LPP: variants seen among roughly 807,000 people sequenced by gnomAD.
LPP encodes the protein lipoma-preferred partner.
LPP carries 38 observed loss-of-function variants against 60.4 expected under a neutral mutation model. That is an observed-to-expected ratio of 0.63 (90% confidence interval 0.49 to 0.83). The LOEUF (loss-of-function observed/expected upper bound fraction) is 0.83, where lower values mean the gene tolerates loss of function less well. Among genes scored for constraint, LPP ranks in the 40% least tolerant of loss-of-function variants. LPP has a pLI of 0.00. For missense variants in LPP, 902 were observed against 783.6 expected (o/e 1.15, Z -1.80); for synonymous variants, 328 against 290.8 (o/e 1.13, Z -1.30).
intron 9 of LPP, among the ~76,000 whole-genome samples, chr3:188,859,089 TA>T (rs35722501): frequency 0.17 from 17,413 of 103,698 alleles, 1,444 homozygotes; most frequent in African/African-American, 0.28. Context: ...ACTCTGTCTT[TA>T]AAAAAAAAAA....
chr3:188,242,692 A>C (rs557970746), intron 2 of LPP, among the ~76,000 whole-genome samples: 1 of 152,216 alleles, frequency 6.6e-6, no homozygotes, highest in African/African-American at 2.4e-5. Flanking sequence ...CCAGGTGATC[A>C]TCAAGGTCCC....
At chr3:188,317,275 G>T (rs1452649317) in intron 2 of LPP, among the ~76,000 whole-genome samples, 2 of 150,572 alleles carry the variant, frequency 1.3e-5, no homozygotes, top group Non-Finnish European at 2.9e-5. Flanking sequence ...CAAAAATGCT[G>T]GTCTAATTCA....
intron 2 of LPP, among the ~76,000 whole-genome samples, chr3:188,252,031 G>GATATAT (rs10579787): frequency 2.9e-4 from 12 of 41,414 alleles, no homozygotes; most frequent in South Asian, 1.1e-3. Flanking sequence ...TTTTAATCCT[G>GATATAT]ATATATATAT....
chr3:188,401,820 G>A (rs966928303), intron 3 of LPP, among the ~76,000 whole-genome samples: 1 of 152,170 alleles, frequency 6.6e-6, no homozygotes, highest in Non-Finnish European at 1.5e-5. Flanking sequence ...GTATGTAGAT[G>A]CTGTGGGATT....
rs2152091152 is a variant in LPP, at chr3:188,883,862, G to C, written c.*9383G>C. ...ATTATTTCTAGTTAGTTCATCTGTG[G>C]AAAAGGATATCGTTCTTGAGGAGAG... On this transcript the variant is annotated 3_prime_UTR_variant, in exon 12 of 12. Coordinates refer to ENST00000617246, the MANE Select transcript of LPP (RefSeq NM_001375462.1). 4.6e-6 allele frequency: 1 copy of C among 219,012 alleles called. No individual in the cohort carries two copies. Among genetic ancestry groups the C allele is most frequent in the South Asian group, 1.9e-4 (1 of 5,396 alleles). 13.6% of individuals were successfully genotyped at this position (219,012 alleles called of 1,614,324 possible).
chr3:188,362,556 A>G (rs1293557522), intron 3 of LPP, among the ~76,000 whole-genome samples: 8 of 151,718 alleles, frequency 5.3e-5, no homozygotes, highest in Non-Finnish European at 1.5e-5. Flanking sequence ...TTTTGTTTTT[A>G]TTTGCAGTGT....
At chr3:188,231,290 C>CA (rs1158592381) in intron 2 of LPP, among the ~76,000 whole-genome samples, 1 of 152,170 alleles carries the variant, frequency 6.6e-6, no homozygotes, top group Non-Finnish European at 1.5e-5. Flanking sequence ...ACAGATTCCC[C>CA]AGGTTTACAT....
At position 188,609,470 on chromosome 3, in the gene LPP, G is replaced by A. The variant is rs1843200661; in HGVS notation, c.739G>A (p.Gly247Arg). The A allele has an allele frequency of 3.1e-6, 5 of 1,614,044 alleles. No individual in the cohort carries two copies. The highest frequency in any genetic ancestry group is 1.7e-5 in the Admixed American group (1 of 60,008). ...TTCATCAGGACAAATTTATGGCTCA[G>A]GGCCCCAGGGCTATAACACTCAGCC... is the stretch of plus-strand genomic sequence containing the variant. ...APSSGQIYGSGPQGYNTQPVP... is the reference protein window; with the variant it reads ...APSSGQIYGSRPQGYNTQPVP... The change falls in exon 7 of 12, where the codon GGG (glycine) becomes AGG (arginine). Residue 247 changes from glycine to arginine, a missense_variant. Gly to Arg is a moderately radical substitution (Grantham distance 125). Coordinates refer to ENST00000617246, the MANE Select transcript of LPP (RefSeq NM_001375462.1). This position sits in a 1 kb window ranked among gnomAD's most constrained non-coding sequence, Gnocchi z 6.9.
chr3:188,488,839 A>G lies in LPP; in HGVS notation c.306+4135A>G, dbSNP rs142112111. Reference sequence around the variant, plus strand: ...TTTTCGGTAGAGATGGGGTTTCACTATATTGGCCAGGTTGGTCTCAAACTC... The same window carrying G: ...TTTTCGGTAGAGATGGGGTTTCACTGTATTGGCCAGGTTGGTCTCAAACTC... On this transcript the variant is annotated intron_variant, in intron 5 of 11. Coordinates refer to ENST00000617246, the MANE Select transcript of LPP (RefSeq NM_001375462.1). Among the ~76,000 whole-genome samples the G allele has an allele frequency of 5.3e-3, 808 of 151,980 alleles. 5 individuals are homozygous for G. Among genetic ancestry groups the G allele is most frequent in the South Asian group, 0.026 (124 of 4,806 alleles).
intron 2 of LPP, among the ~76,000 whole-genome samples, chr3:188,316,380 C>T (rs1230368441): frequency 6.6e-6 from 1 of 152,092 alleles, no homozygotes; most frequent in Non-Finnish European, 1.5e-5. Context: ...TTTGAGGTTA[C>T]AGTGTGCTAT....
At chr3:188,544,661 G>A (rs1230423850) in intron 6 of LPP, among the ~76,000 whole-genome samples, 1 of 107,052 alleles carries the variant, frequency 9.3e-6, no homozygotes, top group Non-Finnish European at 1.9e-5. Context: ...TGGTGGGACT[G>A]TAAACTAGTT....
At chr3:188,243,580 A>G (rs1297750922) in intron 2 of LPP, among the ~76,000 whole-genome samples, 2 of 152,202 alleles carry the variant, frequency 1.3e-5, no homozygotes, top group Admixed American at 6.5e-5. Flanking sequence ...TCTACAATAC[A>G]CAGGCTAATT....
At chr3:188,621,490 G>C (rs994570462) in intron 7 of LPP, among the ~76,000 whole-genome samples, 8 of 152,076 alleles carry the variant, frequency 5.3e-5, no homozygotes, top group Admixed American at 1.3e-4. Context: ...TTGCTGCAAA[G>C]GACATGATTT....
At chr3:188,733,187 A>G (rs1721269603) in intron 8 of LPP, among the ~76,000 whole-genome samples, 2 of 152,114 alleles carry the variant, frequency 1.3e-5, no homozygotes, top group African/African-American at 4.8e-5. Context: ...GGATGGGTAC[A>G]GTCTAAAGGG....
chr3:188,155,155 G>A (rs1488627236), intron 1 of LPP, among the ~76,000 whole-genome samples: 1 of 152,144 alleles, frequency 6.6e-6, no homozygotes, highest in Non-Finnish European at 1.5e-5. Flanking sequence ...ATTGTGCCTG[G>A]GTGCTTGGAC....
intron 6 of LPP, among the ~76,000 whole-genome samples, chr3:188,557,359 G>A (rs75567050): frequency 0.012 from 1,752 of 152,080 alleles, 35 homozygotes; most frequent in African/African-American, 0.04. Context: ...ATCAAGCACC[G>A]GGCTAGGAGG....
chr3:188,386,022 A>G (rs1203958835), intron 3 of LPP, among the ~76,000 whole-genome samples: 1 of 152,088 alleles, frequency 6.6e-6, no homozygotes, highest in African/African-American at 2.4e-5. Context: ...TTTTAATTTT[A>G]TCATGATTTG....
At chr3:188,439,955 T>C (rs1793368633) in intron 4 of LPP, among the ~76,000 whole-genome samples, 1 of 152,218 alleles carries the variant, frequency 6.6e-6, no homozygotes, top group South Asian at 2.1e-4. Flanking sequence ...CTGGAATTTA[T>C]CTCATCTATG....
intron 6 of LPP, among the ~76,000 whole-genome samples, chr3:188,551,244 G>A (rs984422096): frequency 4.6e-5 from 7 of 152,216 alleles, no homozygotes; most frequent in South Asian, 2.1e-4. Flanking sequence ...AAATGAGGAC[G>A]ATGCAAAAGC....
Sources: allele counts gnomAD v4.1 joint callset (sites outside exome capture counted in the v4.1 genomes callset), GRCh38; gene constraint gnomAD v4.1.1; non-coding constraint Gnocchi (gnomAD v3.1); transcripts MANE v1.5; gene names NCBI Gene and HGNC (gene_info 2026-07-23, HGNC 2026-07-21).